Variants in LRBA observed in about 807,000 individuals in gnomAD.
The protein encoded by LRBA is lipopolysaccharide-responsive and beige-like anchor protein.
In LRBA, 176 loss-of-function variants were observed where a neutral mutation model predicts 330.0. The observed-to-expected ratio is 0.53, with a 90% CI of 0.47 to 0.60. The LOEUF (loss-of-function observed/expected upper bound fraction) is 0.60, where lower values mean the gene tolerates loss of function less well. Ranked by LOEUF, LRBA falls within the 20% of genes least tolerant of loss-of-function variation. The pLI, the probability that LRBA is intolerant of heterozygous loss-of-function variation, is 0.00. For synonymous variants in LRBA, 1,230 were observed against 1,193.0 expected, an observed-to-expected ratio of 1.03 and a Z score of -0.64; for missense variants, 3,259 against 3,444.8, an observed-to-expected ratio of 0.95 and a Z score of 1.35.
intron 31 of LRBA, among the ~76,000 whole-genome samples, chr4:150,815,021 T>A (rs952906518): frequency 6.6e-6 from 1 of 151,908 alleles, no homozygotes; most frequent in Non-Finnish European, 1.5e-5. Context: ...TTTTAAAGAA[T>A]AGACTTAAAA....
At chr4:150,976,996 A>C (rs1005701219) in intron 2 of LRBA, among the ~76,000 whole-genome samples, 2 of 152,234 alleles carry the variant, frequency 1.3e-5, no homozygotes, top group Non-Finnish European at 2.9e-5. Context: ...ACCGTGGCTT[A>C]AAGTGCTTGG....
At chr4:150,637,851 T>G (rs955929681) in intron 37 of LRBA, among the ~76,000 whole-genome samples, 2 of 152,152 alleles carry the variant, frequency 1.3e-5, no homozygotes, top group Non-Finnish European at 2.9e-5. Context: ...TATGAAATAA[T>G]AAGTGCATGA....
chr4:150,757,698 G>A (rs1463303439), intron 35 of LRBA, among the ~76,000 whole-genome samples: 2 of 152,036 alleles, frequency 1.3e-5, no homozygotes, highest in East Asian at 3.9e-4. Context: ...ATTTATAAAA[G>A]GAAAGCCAAA....
chr4:150,514,527 T>C (rs970616824), intron 40 of LRBA, among the ~76,000 whole-genome samples: 1 of 152,252 alleles, frequency 6.6e-6, no homozygotes, highest in East Asian at 1.9e-4. Context: ...AGCAGGTTAA[T>C]TGGTTGGCTC....
chr4:150,642,773 A>G (rs991007322), intron 37 of LRBA, among the ~76,000 whole-genome samples: 17 of 152,044 alleles, frequency 1.1e-4, no homozygotes, highest in Admixed American at 1.0e-3. Flanking sequence ...CAGTTATAAG[A>G]CAGATAATTA....
chr4:150,483,959 T>G (rs533894419), intron 42 of LRBA, among the ~76,000 whole-genome samples: 15 of 152,214 alleles, frequency 9.9e-5, no homozygotes, highest in African/African-American at 3.4e-4. Flanking sequence ...AAAATTGAGT[T>G]TTATATACTG....
chr4:150,330,018 C>T (rs1733782696), intron 48 of LRBA, among the ~76,000 whole-genome samples: 1 of 152,136 alleles, frequency 6.6e-6, no homozygotes, highest in African/African-American at 2.4e-5. Context: ...ACTAAGTTTT[C>T]CCAAACTCGC....
intron 51 of LRBA, among the ~76,000 whole-genome samples, chr4:150,311,885 T>C (rs1015582419): frequency 2.0e-5 from 3 of 152,192 alleles, no homozygotes; most frequent in Admixed American, 2.0e-4. Context: ...AAGTATCCCA[T>C]TGCAATGAAG....
intron 34 of LRBA, among the ~76,000 whole-genome samples, chr4:150,791,287 G>T (rs565834729): frequency 1.3e-5 from 2 of 152,066 alleles, no homozygotes; most frequent in African/African-American, 2.4e-5. Flanking sequence ...ACTCACTGTG[G>T]AATTTGCTGT....
chr4:150,285,266 G>C (rs143680365), intron 54 of LRBA, among the ~76,000 whole-genome samples: 50 of 152,328 alleles, frequency 3.3e-4, no homozygotes, highest in Non-Finnish European at 5.6e-4. Context: ...GAGACAGAGA[G>C]ATGGATAGAC....
chr4:150,310,023 T>C (rs377335767), intron 52 of LRBA, among the ~76,000 whole-genome samples: 2 of 152,242 alleles, frequency 1.3e-5, no homozygotes, highest in East Asian at 3.9e-4. Context: ...AAAAACTGTC[T>C]CTTACAAACA....
chr4:150,781,209 T>C (rs1439467703), intron 34 of LRBA, among the ~76,000 whole-genome samples: 2 of 152,184 alleles, frequency 1.3e-5, no homozygotes, highest in Non-Finnish European at 2.9e-5. Context: ...TACATTGTAC[T>C]ATGTAGCAAA....
intron 34 of LRBA, among the ~76,000 whole-genome samples, chr4:150,773,735 C>T (rs996431900): frequency 6.6e-6 from 1 of 152,210 alleles, no homozygotes; most frequent in Non-Finnish European, 1.5e-5. Flanking sequence ...TGTGGAGACA[C>T]TGCCAATTTC....
intron 17 of LRBA, among the ~76,000 whole-genome samples, chr4:150,880,477 G>A (rs1328753325): frequency 2.0e-5 from 3 of 148,868 alleles, no homozygotes; most frequent in African/African-American, 5.0e-5. Flanking sequence ...CTGTGATCGT[G>A]CCACTGCACT....
chr4:150,956,035 T>C (rs1029846069), intron 2 of LRBA, among the ~76,000 whole-genome samples: 1 of 148,910 alleles, frequency 6.7e-6, no homozygotes, highest in African/African-American at 2.6e-5. Context: ...AAATTAACAA[T>C]ATAAAATTAG....
intron 9 of LRBA, among the ~76,000 whole-genome samples, chr4:150,910,900 C>G (rs1731917801): frequency 6.6e-6 from 1 of 152,124 alleles, no homozygotes; most frequent in Admixed American, 6.5e-5. Context: ...AGCTCTTTTG[C>G]CACCTTGGTT....
intron 40 of LRBA, chr4:150,579,748 G>A: frequency 2.2e-6 from 1 of 456,068 alleles, no homozygotes. Context: ...AGGAGAAGGC[G>A]CAGGACTTGC....
intron 22 of LRBA, among the ~76,000 whole-genome samples, chr4:150,859,248 T>A (rs2126949839): frequency 6.6e-6 from 1 of 152,312 alleles, no homozygotes; most frequent in East Asian, 1.9e-4. Context: ...TCATTTTAAG[T>A]CATAAACCCA....
chr4:150,379,539 T>A (rs1000651306), intron 47 of LRBA, among the ~76,000 whole-genome samples: 2 of 152,106 alleles, frequency 1.3e-5, no homozygotes, highest in African/African-American at 4.8e-5. Context: ...CATTTCATGG[T>A]CAAAGACAGG....
Sources: allele counts gnomAD v4.1 joint callset (sites outside exome capture counted in the v4.1 genomes callset), GRCh38; gene constraint gnomAD v4.1.1; transcripts MANE v1.5; gene names NCBI Gene and HGNC (gene_info 2026-07-23, HGNC 2026-07-21).